ZMAT4: variants seen among roughly 807,000 people sequenced by gnomAD.
ZMAT4 encodes the protein zinc finger matrin-type 4, also known as zinc finger matrin-type protein 4.
In ZMAT4, 17 loss-of-function variants were observed where a neutral mutation model predicts 28.7. The ratio of observed to expected loss-of-function variants is 0.59; its 90% CI spans 0.41 to 0.89. The LOEUF (loss-of-function observed/expected upper bound fraction) is 0.89, where lower values mean the gene tolerates loss of function less well. Among genes scored for constraint, ZMAT4 ranks in the 40% least tolerant of loss-of-function variants. The pLI is 0.00. For synonymous variants in ZMAT4, 117 were observed against 109.2 expected (o/e 1.07, Z -0.44); for missense variants, 240 against 283.8 (o/e 0.85, Z 1.11).
chr8:40,891,077 T>C (rs528428205), intron 1 of ZMAT4, among the ~76,000 whole-genome samples: 2 of 150,596 alleles, frequency 1.3e-5, no homozygotes, highest in South Asian at 4.3e-4. Flanking sequence ...TGTGTGCTTG[T>C]AATCCCAGAG....
intron 3 of ZMAT4, among the ~76,000 whole-genome samples, chr8:40,728,372 T>C (rs1811393341): frequency 6.6e-6 from 1 of 152,228 alleles, no homozygotes; most frequent in Non-Finnish European, 1.5e-5. Context: ...TTCTTGTTCA[T>C]GTAACATCCT....
At chr8:40,654,593 C>T (rs755480161) in intron 5 of ZMAT4, among the ~76,000 whole-genome samples, 1 of 151,978 alleles carries the variant, frequency 6.6e-6, no homozygotes, top group African/African-American at 2.4e-5. Context: ...ATCCAGAAAC[C>T]TAAAAATGAT....
intron 5 of ZMAT4, among the ~76,000 whole-genome samples, chr8:40,584,404 G>A (rs2249014): frequency 0.98 from 149,576 of 152,212 alleles, 73,561 homozygotes; most frequent in Middle Eastern, 1. Context: ...CTGAGCTGGA[G>A]GAGGGGACAA....
intron 5 of ZMAT4, among the ~76,000 whole-genome samples, chr8:40,610,514 A>ATTT (rs201896477): frequency 6.6e-6 from 1 of 151,954 alleles, no homozygotes; most frequent in African/African-American, 2.4e-5. Context: ...ATATATATAT[A>ATTT]TTTTCATTTC....
At chr8:40,701,030 G>C (rs1810122353) in intron 3 of ZMAT4, among the ~76,000 whole-genome samples, 1 of 152,100 alleles carries the variant, frequency 6.6e-6, no homozygotes, top group South Asian at 2.1e-4. Context: ...GTCAAAAGAG[G>C]AGGCAGGTAA....
intron 5 of ZMAT4, among the ~76,000 whole-genome samples, chr8:40,604,240 G>A (rs1017296573): frequency 6.6e-6 from 1 of 152,154 alleles, no homozygotes; most frequent in Admixed American, 6.5e-5. Flanking sequence ...GCTCTGGCTA[G>A]GACTTCTAGT....
chr8:40,870,193 T>G (rs1563256612), intron 1 of ZMAT4, among the ~76,000 whole-genome samples: 2 of 152,142 alleles, frequency 1.3e-5, no homozygotes, highest in Non-Finnish European at 2.9e-5. Context: ...CTAAGAGACT[T>G]TTTACCTGCA....
chr8:40,682,460 C>T (rs1446244540), intron 4 of ZMAT4, among the ~76,000 whole-genome samples: 2 of 152,286 alleles, frequency 1.3e-5, no homozygotes, highest in East Asian at 1.9e-4. Context: ...CCAAATATGG[C>T]TCTAATTGTT....
intron 3 of ZMAT4, among the ~76,000 whole-genome samples, chr8:40,760,824 C>T (rs896569631): frequency 1.3e-5 from 2 of 152,012 alleles, no homozygotes; most frequent in Non-Finnish European, 2.9e-5. Context: ...GCAAGTTGCA[C>T]AGAGCTACAG....
At chr8:40,875,927 CG>C (rs1195228763) in intron 1 of ZMAT4, among the ~76,000 whole-genome samples, 1 of 152,128 alleles carries the variant, frequency 6.6e-6, no homozygotes, top group Non-Finnish European at 1.5e-5. Context: ...GGAAAGACGA[CG>C]GATATGTCAT....
chr8:40,810,044 A>AAAAC (rs201101097), intron 2 of ZMAT4, among the ~76,000 whole-genome samples: 230 of 152,264 alleles, frequency 1.5e-3, no homozygotes, highest in African/African-American at 4.7e-3. Flanking sequence ...ACTCCGTCTT[A>AAAAC]AAACAAACAA....
chr8:40,589,731 C>CCTTCCTTTCTTTCTTTCTTTCTTT (rs1554523991), intron 5 of ZMAT4, among the ~76,000 whole-genome samples: 8 of 139,382 alleles, frequency 5.7e-5, no homozygotes, highest in African/African-American at 2.1e-4. Context: ...TTCTTCCTTT[C>CCTTCCTTTCTTTCTTTCTTTCTTT]CTTTCTTTCT....
chr8:40,634,939 T>A (rs1157177739), intron 5 of ZMAT4, among the ~76,000 whole-genome samples: 1 of 152,238 alleles, frequency 6.6e-6, no homozygotes, highest in Non-Finnish European at 1.5e-5. Flanking sequence ...ATTTGCAGTA[T>A]ATTAATTTGT....
chr8:40,710,850 G>A (rs565758201), intron 3 of ZMAT4, among the ~76,000 whole-genome samples: 34 of 151,650 alleles, frequency 2.2e-4, no homozygotes, highest in African/African-American at 7.0e-4. Context: ...GCGCGATCTC[G>A]GCTCACTGCA....
At chr8:40,793,436 C>T (rs906942383) in intron 2 of ZMAT4, among the ~76,000 whole-genome samples, 1 of 150,112 alleles carries the variant, frequency 6.7e-6, no homozygotes, top group East Asian at 1.9e-4. Flanking sequence ...GTTCCAGAGC[C>T]ACGCTCCATC....
At chr8:40,554,366 ATTAG>A (rs1210917276) in intron 6 of ZMAT4, among the ~76,000 whole-genome samples, 2 of 150,814 alleles carry the variant, frequency 1.3e-5, no homozygotes, top group Non-Finnish European at 3.0e-5. Context: ...AACTAAGTTA[ATTAG>A]TTAATTAACT....
intron 5 of ZMAT4, among the ~76,000 whole-genome samples, chr8:40,589,148 TG>T (rs1804767954): frequency 2.0e-5 from 3 of 152,248 alleles, no homozygotes; most frequent in Non-Finnish European, 4.4e-5. Context: ...ATATAAGCAC[TG>T]ATGTGCTTAC....
chr8:40,868,282 C>T (rs556560343), intron 1 of ZMAT4, among the ~76,000 whole-genome samples: 5 of 152,286 alleles, frequency 3.3e-5, no homozygotes, highest in Non-Finnish European at 7.3e-5. Context: ...AGACAGAGTG[C>T]TGTGCGGGCC....
intron 5 of ZMAT4, among the ~76,000 whole-genome samples, chr8:40,647,895 A>G (rs1047621414): frequency 2.6e-4 from 39 of 152,238 alleles, no homozygotes; most frequent in African/African-American, 8.7e-4. Context: ...TAACAAACAG[A>G]AAGGACATCC....
Sources: allele counts gnomAD v4.1 joint callset (sites outside exome capture counted in the v4.1 genomes callset), GRCh38; gene constraint gnomAD v4.1.1; transcripts MANE v1.5; gene names NCBI Gene and HGNC (gene_info 2026-07-23, HGNC 2026-07-21).